Variants in CPEB1 observed in about 807,000 individuals in gnomAD.
The protein encoded by CPEB1 is cytoplasmic polyadenylation element binding protein 1, also known as cytoplasmic polyadenylation element-binding protein 1.
Under a neutral mutation model 65.8 loss-of-function variants are expected in CPEB1, and 7 were observed. The observed-to-expected ratio is 0.11, with a 90% CI of 0.06 to 0.20. The LOEUF is 0.20. Among genes scored for constraint, CPEB1 ranks in the 10% least tolerant of loss-of-function variants. The probability of loss-of-function intolerance (pLI) is 1.00; values close to 1 mark genes in which losing one functional copy is unlikely to be tolerated. For missense variants in CPEB1, 551 were observed against 712.2 expected, an observed-to-expected ratio of 0.77 and a Z score of 2.58; for synonymous variants, 262 against 260.0, an observed-to-expected ratio of 1.01 and a Z score of -0.08.
chr15:82,648,005 G>A (rs587677946), upstream of CPEB1: 14 of 663,992 alleles, frequency 2.1e-5, no homozygotes, highest in African/African-American at 1.1e-4. Context: ...AAGCTCCTAC[G>A]AGCCGCTCCT....
intron 7 of CPEB1, 35 bp from the exon 8 acceptor site, chr15:82,553,591 G>A (rs117970733): frequency 0.024 from 34,857 of 1,461,506 alleles, 485 homozygotes; most frequent in Non-Finnish European, 0.028. Flanking sequence ...CAGAAGCTGA[G>A]GAACCATCTT....
intron 3 of CPEB1, chr15:82,583,288 A>T (rs1567200563): frequency 6.6e-6 from 1 of 152,182 alleles, no homozygotes; most frequent in Non-Finnish European, 1.5e-5. Context: ...GAGTCCTTGA[A>T]TACAACATGC....
intron 3 of CPEB1, among the ~76,000 whole-genome samples, chr15:82,582,573 C>T (rs2041384471): frequency 2.0e-5 from 3 of 152,046 alleles, no homozygotes; most frequent in Admixed American, 2.0e-4. Context: ...ACTAACTGAT[C>T]CCCTGACCTC....
chr15:82,547,107 A>G, intron 11 of CPEB1, 36 bp downstream of exon 11: 1 of 1,439,742 alleles, frequency 6.9e-7, no homozygotes, highest in Non-Finnish European at 9.8e-7. Flanking sequence ...CCCCTCTCAT[A>G]TACCCCAGAG....
intron 1 of CPEB1, among the ~76,000 whole-genome samples, chr15:82,641,237 AAAAAAC>A (rs1262334580): frequency 2.0e-5 from 3 of 152,162 alleles, no homozygotes; most frequent in Non-Finnish European, 4.4e-5. Flanking sequence ...CAGCTTTAAA[AAAAAAC>A]AAAAACAAAA....
At chr15:82,549,070 C>T (rs1015150627) in intron 10 of CPEB1, among the ~76,000 whole-genome samples, 8 of 152,220 alleles carry the variant, frequency 5.3e-5, no homozygotes, top group African/African-American at 1.9e-4. Flanking sequence ...TAGACAATGC[C>T]AGAGCTTTTC....
intron 3 of CPEB1, among the ~76,000 whole-genome samples, chr15:82,603,368 A>C (rs1445858753): frequency 2.8e-4 from 43 of 152,028 alleles, no homozygotes; most frequent in African/African-American, 9.7e-4. Flanking sequence ...TATTTAAAAA[A>C]AAAAAATCAG....
intron 3 of CPEB1, among the ~76,000 whole-genome samples, chr15:82,602,857 A>C (rs764031820): frequency 6.6e-6 from 1 of 151,992 alleles, no homozygotes; most frequent in Non-Finnish European, 1.5e-5. Context: ...AAACTAAATA[A>C]ATAAAAATAA....
chr15:82,551,374 C>T (rs556673406), intron 9 of CPEB1, among the ~76,000 whole-genome samples: 89 of 152,244 alleles, frequency 5.8e-4, no homozygotes, highest in African/African-American at 1.8e-3. Context: ...ATCAGGATCC[C>T]GCATGAGAGT....
intron 3 of CPEB1, among the ~76,000 whole-genome samples, chr15:82,610,514 CATT>C (rs1299460906): frequency 6.6e-6 from 1 of 151,040 alleles, no homozygotes; most frequent in Non-Finnish European, 1.5e-5. Flanking sequence ...AAGGTTGGTT[CATT>C]ATAAGAAAAA....
intron 1 of CPEB1, chr15:82,640,893 G>C (rs1297257162): frequency 8.2e-5 from 12 of 146,376 alleles, no homozygotes; most frequent in Non-Finnish European, 1.8e-4. Context: ...AGACAAGATT[G>C]ATCAGATAAG....
intron 3 of CPEB1, among the ~76,000 whole-genome samples, chr15:82,626,980 T>G (rs1477234789): frequency 6.6e-6 from 1 of 152,218 alleles, no homozygotes; most frequent in East Asian, 1.9e-4. Flanking sequence ...CCAACCTTTC[T>G]GTGTATCATA....
In CPEB1 at chr15:82,631,379, T is replaced by C. The variant is rs150365627; in HGVS notation, c.-97-2823A>G. On this transcript the variant is annotated intron_variant, in intron 1 of 12. Transcript: ENST00000684509. Reference sequence around the variant, plus strand: ...TGTTCAATGTATATTCCAAACTGTTTCATCTTATAATTACCAATGTTTGCC... The same window carrying C: ...TGTTCAATGTATATTCCAAACTGTTCCATCTTATAATTACCAATGTTTGCC... Among the ~76,000 whole-genome samples the C allele has an allele frequency of 1.6e-3, 239 of 152,122 alleles. 2 individuals carry two copies. Among genetic ancestry groups the C allele is most frequent in the African/African-American group, 5.4e-3 (225 of 41,476 alleles).
At chr15:82,616,097 C>T (rs1476238410) in intron 3 of CPEB1, among the ~76,000 whole-genome samples, 1 of 151,514 alleles carries the variant, frequency 6.6e-6, no homozygotes, top group African/African-American at 2.4e-5. Context: ...AAGCAAATGC[C>T]AGGAAGATAA....
chr15:82,616,058 T>C (rs1318784197), intron 3 of CPEB1, among the ~76,000 whole-genome samples: 1 of 152,110 alleles, frequency 6.6e-6, no homozygotes, highest in Non-Finnish European at 1.5e-5. Context: ...TATCAATATG[T>C]ACACATTATA....
At chr15:82,548,651 C>A in intron 10 of CPEB1, 1 of 452,018 alleles carries the variant, frequency 2.2e-6, no homozygotes, top group South Asian at 1.6e-5. Context: ...CTGAACCTCT[C>A]CTAGCCCTTA....
intron 3 of CPEB1, chr15:82,573,248 TTA>T: frequency 1.8e-5 from 22 of 1,209,116 alleles, no homozygotes; most frequent in South Asian, 3.2e-5. Flanking sequence ...TTTTTTTTTT[TTA>T]AAGCTTTGCT....
At chr15:82,615,871 A>C (rs1250037033) in intron 3 of CPEB1, among the ~76,000 whole-genome samples, 1 of 152,142 alleles carries the variant, frequency 6.6e-6, no homozygotes, top group Non-Finnish European at 1.5e-5. Flanking sequence ...ATGTGGGCAC[A>C]GGAGACTTAA....
chr15:82,625,718 C>T (rs947341964), intron 3 of CPEB1, among the ~76,000 whole-genome samples: 41 of 152,204 alleles, frequency 2.7e-4, no homozygotes, highest in African/African-American at 9.9e-4. Flanking sequence ...CGTAGTGTTG[C>T]TCAAGGGTTG....
Sources: allele counts gnomAD v4.1 joint callset (sites outside exome capture counted in the v4.1 genomes callset), GRCh38; gene constraint gnomAD v4.1.1; transcripts MANE v1.5; gene names NCBI Gene and HGNC (gene_info 2026-07-23, HGNC 2026-07-21).